Variants in EXOC4 observed in about 807,000 individuals in gnomAD.
EXOC4 encodes exocyst complex component 4.
EXOC4 carries 71 observed loss-of-function variants against 107.2 expected under a neutral mutation model. That is an observed-to-expected ratio of 0.66 (90% confidence interval 0.55 to 0.81). The LOEUF (loss-of-function observed/expected upper bound fraction) is 0.81. Among genes scored for constraint, EXOC4 ranks in the 30% least tolerant of loss-of-function variants. The probability of loss-of-function intolerance (pLI) is 0.00; values close to 1 mark genes in which losing one functional copy is unlikely to be tolerated. For missense variants in EXOC4, 1,108 were observed against 1,189.6 expected, an observed-to-expected ratio of 0.93 and a Z score of 1.01; for synonymous variants, 456 against 441.2, an observed-to-expected ratio of 1.03 and a Z score of -0.42.
At chr7:133,712,604 T>G (rs1157851564) in intron 10 of EXOC4, among the ~76,000 whole-genome samples, 2 of 151,960 alleles carry the variant, frequency 1.3e-5, no homozygotes, top group African/African-American at 4.8e-5. Flanking sequence ...CCTAGATATA[T>G]ATACCAAAAA....
At chr7:134,080,152 C>T in the EXOC4 span, among the ~76,000 whole-genome samples, 4 of 152,292 alleles carry the variant, frequency 2.6e-5, no homozygotes, top group East Asian at 7.7e-4. Flanking sequence ...CAAAACCTAC[C>T]CTTTCTGAAT....
At chr7:133,831,031 C>G (rs911142167) in intron 11 of EXOC4, among the ~76,000 whole-genome samples, 12 of 152,152 alleles carry the variant, frequency 7.9e-5, no homozygotes, top group Non-Finnish European at 1.2e-4. Context: ...GTGGCGCGAT[C>G]TCGGCTCACT....
Position 133,895,681 on chromosome 7 carries a change from A to G in EXOC4, c.1817A>G (p.Asn606Ser). ...DLSAYSDQFL[N>S]MVCVKLQEYK... ...AGTGCATATTCAGATCAATTCCTCA[A>G]CATGGTGTGCGTGAAGCTCCAGGAG... is the stretch of plus-strand genomic sequence containing the variant. The change falls in exon 12 of 18, where the codon AAC becomes AGC. Residue 606 changes from asparagine (N) to serine (S), a missense_variant. Asn to Ser is a conservative substitution (Grantham distance 46, BLOSUM62 1). Coordinates refer to ENST00000253861, the MANE Select transcript of EXOC4 (RefSeq NM_021807.4). 6.2e-7 allele frequency: 1 copy of G among 1,614,150 alleles called. No individual in the cohort carries two copies. Among genetic ancestry groups the G allele is most frequent in the South Asian group, 1.1e-5 (1 of 91,084 alleles).
chr7:133,567,540 G>A (rs953129197), intron 9 of EXOC4, among the ~76,000 whole-genome samples: 3 of 152,084 alleles, frequency 2.0e-5, no homozygotes, highest in African/African-American at 7.2e-5. Flanking sequence ...TTCTGGCAGT[G>A]GCGTTTGCAG....
intron 10 of EXOC4, among the ~76,000 whole-genome samples, chr7:133,714,516 T>C (rs1794960629): frequency 6.6e-6 from 1 of 152,224 alleles, no homozygotes; most frequent in Admixed American, 6.5e-5. Flanking sequence ...CATATTATAA[T>C]GATTGTCATA....
chr7:133,844,378 CTTTTTTTTTTTTTTT>C (rs761535651), intron 11 of EXOC4, among the ~76,000 whole-genome samples: 2 of 83,346 alleles, frequency 2.4e-5, no homozygotes, highest in Non-Finnish European at 4.4e-5. Context: ...CCACATATTC[CTTTTTTTTTTTTTTT>C]TTTTTTTTTT....
intron 9 of EXOC4, among the ~76,000 whole-genome samples, chr7:133,587,807 T>C (rs57316288): frequency 0.13 from 20,119 of 152,222 alleles, 1,440 homozygotes; most frequent in East Asian, 0.23. Flanking sequence ...GAGTTAAATT[T>C]CCTGCCAATG....
intron 2 of EXOC4, among the ~76,000 whole-genome samples, chr7:133,284,756 T>G (rs1794236487): frequency 6.6e-6 from 1 of 151,998 alleles, no homozygotes; most frequent in African/African-American, 2.4e-5. Flanking sequence ...AGGATAGTCT[T>G]GATCTCCTGA....
chr7:133,526,425 G>A (rs1800079807), intron 9 of EXOC4, among the ~76,000 whole-genome samples: 1 of 152,110 alleles, frequency 6.6e-6, no homozygotes, highest in African/African-American at 2.4e-5. Flanking sequence ...AGATCAAATT[G>A]GCTTGCAGAG....
chr7:133,580,717 C>T (rs760987886), intron 9 of EXOC4, among the ~76,000 whole-genome samples: 1 of 152,150 alleles, frequency 6.6e-6, no homozygotes, highest in African/African-American at 2.4e-5. Flanking sequence ...TAATACCTCC[C>T]GCACATATGT....
intron 13 of EXOC4, among the ~76,000 whole-genome samples, chr7:133,935,321 C>T (rs557202539): frequency 2.0e-5 from 3 of 152,234 alleles, no homozygotes; most frequent in African/African-American, 7.2e-5. Context: ...CAGTTTACAT[C>T]TCACTGGCCA....
chr7:133,927,540 G>A (rs1486443398), intron 13 of EXOC4, among the ~76,000 whole-genome samples: 1 of 152,172 alleles, frequency 6.6e-6, no homozygotes, highest in Admixed American at 6.5e-5. Flanking sequence ...GTAAATGAAA[G>A]GGGCGAAGCA....
chr7:133,690,607 G>T (rs1794398342), intron 10 of EXOC4, among the ~76,000 whole-genome samples: 1 of 152,150 alleles, frequency 6.6e-6, no homozygotes, highest in South Asian at 2.1e-4. Flanking sequence ...TTTCCATGTG[G>T]TGGGAGGAAA....
rs987242544 is a variant in EXOC4, at chr7:133,496,056, C to T, written c.1417+15918C>T. Among the ~76,000 whole-genome samples the T allele has an allele frequency of 2.0e-5, 3 of 152,028 alleles. No homozygotes were observed. The South Asian group carries it at 6.2e-4, about 32-fold the overall frequency. On this transcript the variant is annotated intron_variant, in intron 9 of 17. Transcript: ENST00000253861. ...CTTTCCTTACTTCTGCTACTCTTCCCCTGCCCCCATACTGGCAGGAATTTC... is the reference window on the plus strand; with the variant it reads ...CTTTCCTTACTTCTGCTACTCTTCCTCTGCCCCCATACTGGCAGGAATTTC...
At chr7:133,532,751 A>G (rs900529660) in intron 9 of EXOC4, among the ~76,000 whole-genome samples, 2 of 152,110 alleles carry the variant, frequency 1.3e-5, no homozygotes, top group African/African-American at 4.8e-5. Flanking sequence ...GGTGTCAGTA[A>G]TTGACTTATT....
At chr7:133,323,169 G>T (rs200115707) in intron 5 of EXOC4, among the ~76,000 whole-genome samples, 2 of 152,110 alleles carry the variant, frequency 1.3e-5, no homozygotes, top group Middle Eastern at 3.4e-3. Context: ...AGAGACAATT[G>T]GACTTCCTCT....
rs184078602 is a variant in EXOC4, at chr7:133,921,264, C to T, written c.2027+3526C>T. ...TACAGAGAATGAATTCACCCATCTC[C>T]ACCTTTCTGTTCTATTCAGGCCCTC... On this transcript the variant is annotated intron_variant, in intron 13 of 17. Coordinates refer to ENST00000253861, the MANE Select transcript of EXOC4 (RefSeq NM_021807.4). Among the ~76,000 whole-genome samples the T allele has an allele frequency of 5.9e-5, 9 of 152,298 alleles. No homozygotes were observed. The East Asian group carries it at 1.4e-3, about 23-fold the overall frequency.
chr7:133,899,094 CT>C (rs1186095814), intron 12 of EXOC4, among the ~76,000 whole-genome samples: 199 of 144,940 alleles, frequency 1.4e-3, no homozygotes, highest in Middle Eastern at 3.5e-3. Context: ...AAATATAAAG[CT>C]TTTTTTTTTT....
intron 6 of EXOC4, among the ~76,000 whole-genome samples, chr7:133,369,403 T>C (rs973973831): frequency 6.6e-6 from 1 of 152,218 alleles, no homozygotes; most frequent in Non-Finnish European, 1.5e-5. Context: ...TTCCACTCAA[T>C]GATCCACTGA....
Sources: gnomAD v4.1 joint callset for allele counts (sites outside exome capture counted in the v4.1 genomes callset) on GRCh38, gnomAD v4.1.1 for gene constraint, MANE v1.5 for transcripts, NCBI Gene and HGNC (gene_info 2026-07-23, HGNC 2026-07-21) for gene names.